The following TSHZ3 variants were observed in gnomAD, a reference collection of about 807,000 sequenced individuals.
TSHZ3 encodes the protein teashirt zinc finger homeobox 3.
A neutral mutation model predicts 64.5 loss-of-function variants in TSHZ3; 10 were observed. That is an observed-to-expected ratio of 0.16 (90% CI 0.10 to 0.26). The LOEUF (loss-of-function observed/expected upper bound fraction) is 0.26. TSHZ3 is among the 10% of genes least tolerant of loss of function. TSHZ3 has a pLI of 1.00. For missense variants in TSHZ3, 1,242 were observed against 1,421.7 expected, an observed-to-expected ratio of 0.87 and a Z score of 2.03; for synonymous variants, 608 against 593.1, an observed-to-expected ratio of 1.03 and a Z score of -0.36.
At chr19:31,199,689 T>G (rs1035379126) in intron 5 of TSHZ3, among the ~76,000 whole-genome samples, 10 of 148,634 alleles carry the variant, frequency 6.7e-5, no homozygotes, top group Non-Finnish European at 1.5e-4. Context: ...GTCAAAGGGA[T>G]GATCCATGAA....
At chr19:31,317,080 G>C (rs956081497) in intron 1 of TSHZ3, among the ~76,000 whole-genome samples, 1 of 152,180 alleles carries the variant, frequency 6.6e-6, no homozygotes, top group Non-Finnish European at 1.5e-5. Flanking sequence ...TTGAAATTTA[G>C]TCGCAGGAGA....
chr19:31,225,964 T>C (rs1975454659), intron 4 of TSHZ3, among the ~76,000 whole-genome samples: 1 of 151,910 alleles, frequency 6.6e-6, no homozygotes, highest in Non-Finnish European at 1.5e-5. Context: ...CTGCCTTTAC[T>C]AAAAATACAA....
chr19:31,175,288 GA>G (rs139453411), intron 5 of TSHZ3, among the ~76,000 whole-genome samples: 21 of 151,748 alleles, frequency 1.4e-4, no homozygotes, highest in Non-Finnish European at 2.4e-4. Context: ...CAATTTTAAT[GA>G]AAAAAAATAA....
chr19:31,298,310 G>T (rs778499872), intron 1 of TSHZ3, among the ~76,000 whole-genome samples: 26 of 152,206 alleles, frequency 1.7e-4, no homozygotes, highest in Non-Finnish European at 2.5e-4. Context: ...TTCCCAGTGG[G>T]CTGGGTAGGC....
intron 1 of TSHZ3, among the ~76,000 whole-genome samples, chr19:31,299,964 T>C (rs1252019031): frequency 1.3e-5 from 2 of 152,234 alleles, no homozygotes; most frequent in African/African-American, 4.8e-5. Flanking sequence ...ATGAAGTTAA[T>C]TGAATTTAAG....
intron 1 of TSHZ3, among the ~76,000 whole-genome samples, chr19:31,305,994 C>A (rs1163458505): frequency 6.6e-6 from 1 of 152,132 alleles, no homozygotes; most frequent in Non-Finnish European, 1.5e-5. Context: ...CCAGCATGAT[C>A]ACAGATTTGT....
At chr19:31,333,349 A>G (rs1375146202) in intron 1 of TSHZ3, among the ~76,000 whole-genome samples, 2 of 151,966 alleles carry the variant, frequency 1.3e-5, no homozygotes, top group Non-Finnish European at 2.9e-5. Context: ...AATCAGCTCC[A>G]TTCCCCCTGC....
chr19:31,289,912 T>C (rs1387049766), intron 1 of TSHZ3, among the ~76,000 whole-genome samples: 1 of 152,200 alleles, frequency 6.6e-6, no homozygotes, highest in Admixed American at 6.5e-5. Context: ...AAAATCTGGA[T>C]GAATTGATTC....
At position 31,241,635 on chromosome 19, in the gene TSHZ3, C is replaced by A. The variant is rs148259898; in HGVS notation, n.550+634G>T. On this transcript the variant is annotated intron_variant and non_coding_transcript_variant, in intron 3 of 6. Coordinates refer to the TSHZ3 transcript ENST00000651361. ...CTCTGATGCGCCATTGTGCAGACTG[C>A]AGCCATTTGAAGTGACTCAAACTCT... Among the ~76,000 whole-genome samples, 30 of 152,334 alleles carry A rather than the reference C, an allele frequency of 2.0e-4. No individual in the cohort carries two copies. In the East Asian group the frequency reaches 5.4e-3, roughly 27 times the overall value.
intron 1 of TSHZ3, among the ~76,000 whole-genome samples, chr19:31,291,448 C>G (rs991970431): frequency 6.6e-6 from 1 of 152,130 alleles, no homozygotes; most frequent in Admixed American, 6.5e-5. Flanking sequence ...AAGGAGGAGG[C>G]CAGAACGTCA....
In TSHZ3 at chr19:31,276,658, AAGT is replaced by A; in HGVS notation, c.3132_3134del (p.Lys1044_Leu1045delinsAsn). ...GCTTGCTGGCAAAGGTCCGATTGCAAAGTTTGCACTGATAGGAAGTCCCCAGGT... is the reference window on the plus strand; with the variant it reads ...GCTTGCTGGCAAAGGTCCGATTGCAATTGCACTGATAGGAAGTCCCCAGGT... On this transcript the variant is annotated inframe_deletion, in exon 2 of 2. Transcript: ENST00000240587. The A allele has an allele frequency of 6.2e-7, 1 of 1,613,196 alleles. No homozygotes were observed. The highest frequency in any genetic ancestry group is 8.5e-7 in the Non-Finnish European group (1 of 1,179,246).
At chr19:31,199,705 T>G (rs1004810304) in intron 5 of TSHZ3, among the ~76,000 whole-genome samples, 1 of 140,422 alleles carries the variant, frequency 7.1e-6, no homozygotes, top group African/African-American at 2.7e-5. Context: ...ATGAAAGAAC[T>G]AATTGATAAG....
At chr19:31,166,308 T>C (rs559887231) in intron 5 of TSHZ3, among the ~76,000 whole-genome samples, 1 of 152,292 alleles carries the variant, frequency 6.6e-6, no homozygotes, top group East Asian at 1.9e-4. Flanking sequence ...AAATATGAGA[T>C]AAGTTCTTAA....
At chr19:31,337,300 G>T (rs1359082400) in intron 1 of TSHZ3, among the ~76,000 whole-genome samples, 1 of 152,094 alleles carries the variant, frequency 6.6e-6, no homozygotes, top group Admixed American at 6.5e-5. Context: ...AAGAAGAAAA[G>T]CGAACAAAAA....
chr19:31,277,332 T>A lies in TSHZ3; in HGVS notation c.2461A>T (p.Thr821Ser), dbSNP rs199584028. Residue 821 changes from threonine (T) to serine (S), a missense_variant, in exon 2 of 2, where the codon ACG becomes TCG. This residue lies in a region of TSHZ3 where 550 missense variants were observed against 545.1 expected (regional missense o/e 1.01). Transcript: ENST00000240587. This position sits in a 1 kb window ranked among gnomAD's most constrained non-coding sequence, Gnocchi z 4.5. Reference protein sequence around the residue: ...TSTAPATSSSTVTTAKTSAVV... With the variant: ...TSTAPATSSSSVTTAKTSAVV... Reference sequence around the variant, plus strand: ...GCAGATGTCTTTGCCGTTGTCACCGTGGATGAGGAGGTTGCCGGGGCTGTG... The same window carrying A: ...GCAGATGTCTTTGCCGTTGTCACCGAGGATGAGGAGGTTGCCGGGGCTGTG... The A allele has an allele frequency of 6.2e-7, 1 of 1,613,704 alleles. No homozygotes were observed. Among genetic ancestry groups the A allele is most frequent in the Admixed American group, 1.7e-5 (1 of 60,010 alleles).
intron 1 of TSHZ3, among the ~76,000 whole-genome samples, chr19:31,294,162 C>T (rs1431137724): frequency 6.6e-6 from 1 of 152,178 alleles, no homozygotes; most frequent in Non-Finnish European, 1.5e-5. Flanking sequence ...CACTGAGCAC[C>T]TGCATGGTAG....
Position 31,278,288 on chromosome 19 carries a change from G to T in TSHZ3, c.1505C>A (p.Ser502Tyr). ...ATTTTCAGTCAAGTAATGGTATTTG[G>T]AAGAGATGTCACACTTCTCCTCTTC... ...GEEEEKCDIS[S>Y]KYHYLTENDL... Residue 502 changes from serine to tyrosine, a missense_variant, in exon 2 of 2, where the codon TCC becomes TAC. Around this residue, in one of 4 missense-constraint regions of TSHZ3, gnomAD observed 555 missense variants for 704.0 expected, o/e 0.79. Coordinates refer to ENST00000240587, the MANE Select transcript of TSHZ3 (RefSeq NM_020856.4). The surrounding 1 kb of genome is among the most constrained non-coding windows in gnomAD (Gnocchi z 4.7). The T allele has an allele frequency of 6.2e-7, 1 of 1,614,176 alleles. No individual in the cohort carries two copies. The highest frequency in any genetic ancestry group is 1.1e-5 in the South Asian group (1 of 91,080).
intron 6 of TSHZ3, among the ~76,000 whole-genome samples, chr19:31,153,143 T>C (rs1974262300): frequency 6.6e-6 from 1 of 152,194 alleles, no homozygotes; most frequent in African/African-American, 2.4e-5. Context: ...AGTTCAGCTG[T>C]TTACTACGGT....
At chr19:31,223,237 A>C (rs1444866241) in intron 4 of TSHZ3, among the ~76,000 whole-genome samples, 2 of 152,108 alleles carry the variant, frequency 1.3e-5, no homozygotes, top group Admixed American at 6.5e-5. Flanking sequence ...AGGTTTACCA[A>C]CTCATAAAAT....
Sources: gnomAD v4.1 joint callset for allele counts (sites outside exome capture counted in the v4.1 genomes callset) on GRCh38, gnomAD v4.1.1 for gene constraint, gnomAD v4.1.1 regional missense constraint, Gnocchi (gnomAD v3.1) non-coding constraint, MANE v1.5 for transcripts, NCBI Gene and HGNC (gene_info 2026-07-23, HGNC 2026-07-21) for gene names.